MINDY1: variants seen among roughly 807,000 people sequenced by gnomAD.
The protein encoded by MINDY1 is MINDY lysine 48 deubiquitinase 1.
MINDY1 carries 50 observed loss-of-function variants against 53.6 expected under a neutral mutation model. The ratio of observed to expected loss-of-function variants is 0.93; its 90% CI spans 0.74 to 1.18. The LOEUF (loss-of-function observed/expected upper bound fraction) is 1.18, where lower values mean the gene tolerates loss of function less well. MINDY1 is among the 50% of genes most tolerant of loss of function. MINDY1 has a pLI of 0.00. For synonymous variants in MINDY1, 231 were observed against 234.7 expected, an observed-to-expected ratio of 0.98 and a Z score of 0.14; for missense variants, 484 against 578.6, an observed-to-expected ratio of 0.84 and a Z score of 1.68.
upstream of MINDY1, chr1:151,008,389 C>G: frequency 3.3e-6 from 4 of 1,203,772 alleles, no homozygotes; most frequent in Non-Finnish European, 4.5e-6. Context: ...GTCCCAGGAG[C>G]CTCTGGGCGT....
In MINDY1 at chr1:151,006,657, T is replaced by G. The variant is rs1673254027; in HGVS notation, c.-435A>C. 1.0e-6 allele frequency: 1 copy of G among 986,176 alleles called. No homozygotes were observed. The highest frequency in any genetic ancestry group is 1.7e-5 in the African/African-American group (1 of 57,232). The allele number at this position is 986,176 out of a possible 1,614,324, so 61.1% of individuals were successfully genotyped here. A position where few individuals can be genotyped will look rare whatever the true frequency, so the allele number is the denominator to read the frequency against. On this transcript the variant is annotated 5_prime_UTR_variant, in exon 1 of 10. Coordinates refer to ENST00000683666, the MANE Select transcript of MINDY1 (RefSeq NM_001376665.1). The stretch of plus-strand genomic sequence containing the variant: ...TACAAGCTGGTTTTCAAAGGAAGTT[T>G]GTGGTTTTTCTTTTCTTCTCTCTCT...
At chr1:150,998,316 C>A (rs149786168) in intron 7 of MINDY1, 43 bp from the exon 8 acceptor site, 1 of 1,547,686 alleles carries the variant, frequency 6.5e-7, no homozygotes, top group East Asian at 2.3e-5. Context: ...ACAGTTGATA[C>A]GGAGGCAGTT....
At chr1:151,008,250 A>G, upstream of MINDY1, 3 of 1,183,868 alleles carry the variant, frequency 2.5e-6, no homozygotes, top group Middle Eastern at 3.7e-4. Context: ...ACACATACAC[A>G]TTTGTTTACC....
intron 3 of MINDY1, 114 bp downstream of exon 3, chr1:151,001,611 C>T: frequency 7.5e-7 from 1 of 1,324,850 alleles, no homozygotes; most frequent in South Asian, 1.3e-5. Flanking sequence ...GACCCTTACC[C>T]TCCCTGCTGT....
rs1218664667 is a variant in MINDY1, at chr1:151,006,077, A to T, written c.-90+235T>A. ...ATCTCAGAATATGTCAACCATGGCC[A>T]CAGTGCCCTGTATACTTGCTCACAA... On this transcript the variant is annotated intron_variant, in intron 1 of 9. Coordinates refer to ENST00000683666, the MANE Select transcript of MINDY1 (RefSeq NM_001376665.1). 5.2e-6 allele frequency: 8 copies of T among 1,551,354 alleles called. No individual in the cohort carries two copies. The East Asian group carries it at 1.7e-4, about 33-fold the overall frequency.
rs184208421 is a variant in MINDY1 at position 151,006,495 on chromosome 1, C to T, written c.-273G>A. The T allele has an allele frequency of 4.2e-3, 4,446 of 1,051,748 alleles. 14 individuals carry two copies. Among genetic ancestry groups the T allele is most frequent in the Non-Finnish European group, 4.9e-3 (4,280 of 869,528 alleles). The allele number at this position is 1,051,748 out of a possible 1,614,324, so 65.2% of individuals were successfully genotyped here. A position where few individuals can be genotyped will look rare whatever the true frequency, so the allele number is the denominator to read the frequency against. On this transcript the variant is annotated 5_prime_UTR_variant, in exon 1 of 10. Coordinates refer to ENST00000683666, the MANE Select transcript of MINDY1 (RefSeq NM_001376665.1). ...GTCCAGGCTGGGTTGTGGCCACTTC[C>T]GGACTCACGCCCAGTACTGGGGGCA...
chr1:150,998,412 T>C (rs1672107543), intron 7 of MINDY1, 139 bp from the exon 8 acceptor site: 1 of 758,798 alleles, frequency 1.3e-6, no homozygotes, highest in South Asian at 1.8e-5. Flanking sequence ...TGGAGTGCAG[T>C]GGCACAATCT....
chr1:150,997,457 G>A (rs779263570), intron 9 of MINDY1, 90 bp from the exon 10 acceptor site: 5 of 1,539,392 alleles, frequency 3.2e-6, no homozygotes, highest in South Asian at 1.2e-5. Flanking sequence ...TTGGGACAGA[G>A]AGTAGGGAGA....
rs1368008410 is a variant in MINDY1, at chr1:150,997,314, C to T, written c.1383G>A (p.Lys461=). The change falls in exon 10 of 10, where the codon AAG becomes AAA. Residue 461 remains lysine (K), a synonymous_variant. Transcript: ENST00000683666. ...ACAGCAGAATGCAGTCTGACTCGTG[C>T]TTCGGCCTCTGCCGACGCTCCCCGG... ...RPAGERRQRP[K]HESDCILL 1 of 1,598,786 alleles carries T rather than the reference C, an allele frequency of 6.3e-7. No homozygotes were observed. Among genetic ancestry groups the T allele is most frequent in the South Asian group, 1.1e-5 (1 of 88,674 alleles).
intron 5 of MINDY1, 36 bp downstream of exon 5, chr1:151,000,421 G>T (rs776340100): frequency 1.9e-6 from 3 of 1,544,804 alleles, no homozygotes; most frequent in Non-Finnish European, 2.6e-6. Context: ...GTCAGCTTGA[G>T]CTGGATAAGG....
intron 2 of MINDY1, 54 bp from the exon 3 acceptor site, chr1:151,001,836 G>A (rs1461219889): frequency 1.9e-6 from 3 of 1,552,692 alleles, no homozygotes; most frequent in African/African-American, 1.4e-5. Context: ...AGCACTGAAG[G>A]AAGAACCCAT....
Position 151,001,724 on chromosome 1 carries a change from C to A in MINDY1, c.511+1G>T. On this transcript the variant is annotated splice_donor_variant, in intron 3 of 9. Coordinates refer to ENST00000683666, the MANE Select transcript of MINDY1 (RefSeq NM_001376665.1). LOFTEE classifies it high-confidence loss of function. ...TTCCTCTTCAACGCCCAGTCACTCA[C>A]CAAGATGGGCCATGAGCTCATCCGA... is the stretch of plus-strand genomic sequence containing the variant. 1.9e-6 allele frequency: 3 copies of A among 1,610,606 alleles called. No homozygotes were observed. Among genetic ancestry groups the A allele is most frequent in the Non-Finnish European group, 1.7e-6 (2 of 1,179,070 alleles).
At position 150,999,261 on chromosome 1, in the gene MINDY1, G is replaced by A; in HGVS notation, c.981+108C>T. 1 of 1,462,136 alleles carries A rather than the reference G, an allele frequency of 6.8e-7. No homozygotes were observed. Among genetic ancestry groups the A allele is most frequent in the Non-Finnish European group, 9.4e-7 (1 of 1,064,374 alleles). The allele number at this position is 1,462,136 out of a possible 1,614,324, so 90.6% of individuals were successfully genotyped here. On this transcript the variant is annotated intron_variant, in intron 7 of 9. Transcript: ENST00000683666. This position sits in a 1 kb window ranked among gnomAD's most constrained non-coding sequence, Gnocchi z 4.4. ...TTGTGGTAAACCACAGGGATTTGAGGGGTCACTTGCTACCACGGCTTAATC... is the reference window on the plus strand; with the variant it reads ...TTGTGGTAAACCACAGGGATTTGAGAGGTCACTTGCTACCACGGCTTAATC...
At chr1:151,003,091 G>T (rs1299376419) in intron 1 of MINDY1, 2 of 513,356 alleles carry the variant, frequency 3.9e-6, no homozygotes, top group Non-Finnish European at 5.2e-6. Context: ...TTAATATGAT[G>T]ATCTTTAGCT....
chr1:151,001,587 A>C (rs1338832641), intron 3 of MINDY1, 138 bp downstream of exon 3: 9 of 1,097,560 alleles, frequency 8.2e-6, no homozygotes, highest in African/African-American at 1.6e-5. Flanking sequence ...CCAGCCTTGC[A>C]GAGAAGCCCC....
At chr1:151,008,158 C>G (rs945709514), upstream of MINDY1, 9 of 822,914 alleles carry the variant, frequency 1.1e-5, no homozygotes, top group Admixed American at 2.2e-4. Flanking sequence ...TCACCAGATG[C>G]TCGGTGTGAT....
At chr1:151,006,121 G>C in intron 1 of MINDY1, 191 bp downstream of exon 1, 1 of 1,551,646 alleles carries the variant, frequency 6.4e-7, no homozygotes, top group Non-Finnish European at 8.7e-7. Context: ...GGAAGGTTTC[G>C]TGCTTTCATT....
chr1:151,001,642 A>G (rs1369173389), intron 3 of MINDY1, 83 bp downstream of exon 3: 1 of 1,509,108 alleles, frequency 6.6e-7, no homozygotes, highest in Non-Finnish European at 9.1e-7. Flanking sequence ...CCAAATGGAG[A>G]TCCCTGAATA....
chr1:151,005,359 G>A (rs749852238), intron 1 of MINDY1, among the ~76,000 whole-genome samples: 25 of 151,994 alleles, frequency 1.6e-4, no homozygotes, highest in Non-Finnish European at 3.1e-4. Context: ...GGCTGAGGCA[G>A]GAGAATTGCT....
Sources: allele counts gnomAD v4.1 joint callset (sites outside exome capture counted in the v4.1 genomes callset), GRCh38; gene constraint gnomAD v4.1.1; non-coding constraint Gnocchi (gnomAD v3.1); transcripts MANE v1.5; gene names NCBI Gene and HGNC (gene_info 2026-07-23, HGNC 2026-07-21).